The following C4orf50 variants were observed in gnomAD, a reference collection of about 807,000 sequenced individuals.
The protein encoded by C4orf50 is chromosome 4 open reading frame 50.
C4orf50 carries 80 observed loss-of-function variants against 77.2 expected under a neutral mutation model. That is an observed-to-expected ratio of 1.04 (90% confidence interval 0.87 to 1.25). The LOEUF is 1.25. Among genes scored for constraint, C4orf50 ranks in the 50% most tolerant of loss-of-function variants. The probability of loss-of-function intolerance (pLI) is 0.00; values close to 1 mark genes in which losing one functional copy is unlikely to be tolerated. For missense variants in C4orf50, 1,257 were observed against 1,152.9 expected (o/e 1.09, Z -1.31); for synonymous variants, 532 against 465.3 (o/e 1.14, Z -1.84).
intron 7 of C4orf50, among the ~76,000 whole-genome samples, chr4:5,949,013 G>A (rs1173059033): frequency 1.3e-5 from 2 of 150,134 alleles, no homozygotes; most frequent in Non-Finnish European, 3.0e-5. Flanking sequence ...ATTTGCCCCT[G>A]ATGGAAGAAC....
At position 6,008,042 on chromosome 4, in the gene C4orf50, A is replaced by C; in HGVS notation, c.917T>G (p.Leu306Arg). The C allele has an allele frequency of 2.5e-6, 1 of 399,324 alleles. No homozygotes were observed. The allele number at this position is 399,324 out of a possible 1,614,324, so 24.7% of individuals were successfully genotyped here. A position where few individuals can be genotyped will look rare whatever the true frequency, so the allele number is the denominator to read the frequency against. Reference sequence around the variant, plus strand: ...GGCCTGGGCTCCCAGCTCCTCTCGCAGGCACTGGTTTTGCTGGGCGAGGTC... The same window carrying C: ...GGCCTGGGCTCCCAGCTCCTCTCGCCGGCACTGGTTTTGCTGGGCGAGGTC... Residue 306 changes from leucine to arginine, a missense_variant, in exon 25 of 34, where the codon CTG becomes CGG. By Grantham distance (102) the Leu-to-Arg change is moderately radical (BLOSUM62 -2). Transcript: ENST00000531445. The surrounding 1 kb of genome is among the most constrained non-coding windows in gnomAD (Gnocchi z 6.0).
At chr4:5,974,215 C>A (rs189220746) in intron 30 of C4orf50, among the ~76,000 whole-genome samples, 1 of 152,178 alleles carries the variant, frequency 6.6e-6, no homozygotes, top group Admixed American at 6.5e-5. Flanking sequence ...AAGGAGACGG[C>A]GCAGGCAGGC....
chr4:5,959,500 C>G, exon 34 of C4orf50: 2 of 1,614,154 alleles, frequency 1.2e-6, no homozygotes, highest in Non-Finnish European at 1.7e-6. Flanking sequence ...GGGACGTTAT[C>G]GACTTGGAGG....
chr4:5,911,064 C>G (rs947868792), intron 7 of C4orf50, among the ~76,000 whole-genome samples: 2 of 152,044 alleles, frequency 1.3e-5, no homozygotes, highest in African/African-American at 4.8e-5. Context: ...CGCCACCATG[C>G]CTGGCTAATT....
chr4:5,974,982 A>G (rs538438504), intron 30 of C4orf50, among the ~76,000 whole-genome samples: 4 of 151,964 alleles, frequency 2.6e-5, no homozygotes, highest in African/African-American at 9.6e-5. Context: ...TCTACTAAAA[A>G]TACAAAAATT....
chr4:5,985,690 G>T (rs976702266), intron 28 of C4orf50, among the ~76,000 whole-genome samples: 1 of 152,088 alleles, frequency 6.6e-6, no homozygotes, highest in Non-Finnish European at 1.5e-5. Context: ...TAAATTGTCT[G>T]GGCACAGTGG....
In C4orf50 at chr4:5,932,331, CAA is replaced by C. The variant is rs956703993; in HGVS notation, c.*2474+24568_*2474+24569del. 6.6e-6 allele frequency among the ~76,000 whole-genome samples: 1 copy of C among 152,212 alleles called. No individual in the cohort carries two copies. The highest frequency in any genetic ancestry group is 2.4e-5 in the African/African-American group (1 of 41,452). ...TGGGCTCCGTAAAGAATCCAGCCAT[CAA>C]AGAGGGAGGCAGGCAGCGGACAGCT... On this transcript the variant is annotated intron_variant, in intron 7 of 7. Coordinates refer to the C4orf50 transcript ENST00000324058. The surrounding 1 kb of genome is among the most constrained non-coding windows in gnomAD (Gnocchi z 4.2).
chr4:6,010,898 T>G (rs549474465), intron 24 of C4orf50, among the ~76,000 whole-genome samples: 3 of 152,340 alleles, frequency 2.0e-5, no homozygotes. Context: ...TTTACATGTA[T>G]CAACTTAGCC....
rs1384908619 is a variant in C4orf50, at chr4:5,967,271, G to T, written c.4153+143C>A. On this transcript the variant is annotated intron_variant, in intron 32 of 33. Coordinates refer to ENST00000531445, the Ensembl canonical transcript of C4orf50. ...GGAAGGCAATGCCACATAGGAAAGC[G>T]GGAGGGAGAGGTGGGTCCTGTTCCT... The T allele has an allele frequency of 8.6e-5, 60 of 695,372 alleles. No individual in the cohort carries two copies. The Admixed American group carries it at 1.2e-3, about 13-fold the overall frequency. 43.1% of individuals were successfully genotyped at this position (695,372 alleles called of 1,614,324 possible).
chr4:6,005,864 A>G (rs28722612), intron 25 of C4orf50, among the ~76,000 whole-genome samples: 113,043 of 151,880 alleles, frequency 0.74, 43,387 homozygotes, highest in African/African-American at 0.93. Flanking sequence ...AAGCCCCATG[A>G]GAGGTGCAGT....
chr4:6,009,121 A>G lies in C4orf50; in HGVS notation c.427-589T>C, dbSNP rs1223519983. Among the ~76,000 whole-genome samples the G allele has an allele frequency of 6.6e-6, 1 of 152,216 alleles. No homozygotes were observed. Among genetic ancestry groups the G allele is most frequent in the Non-Finnish European group, 1.5e-5 (1 of 68,034 alleles). On this transcript the variant is annotated intron_variant, in intron 24 of 33. Coordinates refer to ENST00000531445, the Ensembl canonical transcript of C4orf50. The surrounding 1 kb of genome is among the most constrained non-coding windows in gnomAD (Gnocchi z 5.6). ...GGAGTGACTTGCATATCACGCAGCT[A>G]AAATTCACTGCGGCCAGGATGCCAA...
intron 7 of C4orf50, among the ~76,000 whole-genome samples, chr4:5,951,053 T>G (rs1718691262): frequency 6.6e-6 from 1 of 152,222 alleles, no homozygotes; most frequent in African/African-American, 2.4e-5. Flanking sequence ...CATGTGCTTT[T>G]CTTGCACTTG....
exon 32 of C4orf50, chr4:5,967,460 T>C (rs1719645675): frequency 8.7e-6 from 14 of 1,613,952 alleles, no homozygotes; most frequent in Non-Finnish European, 1.1e-5. Flanking sequence ...GGTGGTGGCT[T>C]GTCTGCAAGA....
At chr4:5,931,435 G>A (rs186158025) in intron 7 of C4orf50, among the ~76,000 whole-genome samples, 34 of 152,264 alleles carry the variant, frequency 2.2e-4, no homozygotes, top group Admixed American at 2.0e-3. Flanking sequence ...TCTCAGGTGC[G>A]AAGATAAAGT....
intron 28 of C4orf50, among the ~76,000 whole-genome samples, chr4:5,981,402 CTTTTT>C (rs35263863): frequency 1.6e-5 from 2 of 124,074 alleles, no homozygotes; most frequent in Non-Finnish European, 1.7e-5. Context: ...AAGTGAGTAT[CTTTTT>C]TTTTTTTTTT....
chr4:5,929,110 C>A (rs1258908806), intron 7 of C4orf50, among the ~76,000 whole-genome samples: 2 of 152,202 alleles, frequency 1.3e-5, no homozygotes, highest in African/African-American at 2.4e-5. Flanking sequence ...GTGAATATAT[C>A]ATTTCCTCAT....
At chr4:5,983,225 G>A (rs4689288) in intron 28 of C4orf50, among the ~76,000 whole-genome samples, 97,259 of 152,080 alleles carry the variant, frequency 0.64, 33,038 homozygotes, top group East Asian at 0.92. Context: ...ATCTTTTCAC[G>A]GTATAAACTG....
At chr4:5,975,181 A>T (rs899908260) in intron 30 of C4orf50, among the ~76,000 whole-genome samples, 3 of 136,266 alleles carry the variant, frequency 2.2e-5, no homozygotes, top group African/African-American at 8.1e-5. Context: ...AAAAAAAACT[A>T]CATCACAGTG....
Position 6,009,359 on chromosome 4 carries a change from G to A in C4orf50, c.427-827C>T, listed in dbSNP as rs930323761. Among the ~76,000 whole-genome samples the A allele has an allele frequency of 7.9e-5, 12 of 152,204 alleles. 1 individual carries two copies. Among genetic ancestry groups the A allele is most frequent in the Admixed American group, 3.9e-4 (6 of 15,282 alleles). On this transcript the variant is annotated intron_variant, in intron 24 of 33. Coordinates refer to ENST00000531445, the Ensembl canonical transcript of C4orf50. This position sits in a 1 kb window ranked among gnomAD's most constrained non-coding sequence, Gnocchi z 5.6. ...AATCTTTCAACTACTGTCACCTGCC[G>A]CTGCTCTTCTGCCGGGGAGCTTCCG...
Sources: allele counts gnomAD v4.1 joint callset (sites outside exome capture counted in the v4.1 genomes callset), GRCh38; gene constraint gnomAD v4.1.1; non-coding constraint Gnocchi (gnomAD v3.1); transcripts MANE v1.5; gene names NCBI Gene and HGNC (gene_info 2026-07-23, HGNC 2026-07-21).